PLD1: variants seen among roughly 807,000 people sequenced by gnomAD.
The protein encoded by PLD1 is phospholipase D1, also known as choline phosphatase 1.
Under a neutral mutation model 137.1 loss-of-function variants are expected in PLD1, and 112 were observed. The ratio of observed to expected loss-of-function variants is 0.82; its 90% CI spans 0.70 to 0.96. The LOEUF is 0.96. PLD1 is among the 40% of genes least tolerant of loss of function. The probability of loss-of-function intolerance (pLI) is 0.00; values close to 1 mark genes in which losing one functional copy is unlikely to be tolerated. For missense variants in PLD1, 1,321 were observed against 1,342.0 expected, an observed-to-expected ratio of 0.98 and a Z score of 0.24; for synonymous variants, 431 against 454.7, an observed-to-expected ratio of 0.95 and a Z score of 0.66.
At chr3:171,774,889 G>T (rs558279777) in intron 1 of PLD1, among the ~76,000 whole-genome samples, 1 of 152,258 alleles carries the variant, frequency 6.6e-6, no homozygotes, top group African/African-American at 2.4e-5. Flanking sequence ...GCTGTTCAGG[G>T]AGGATATCCA....
chr3:171,751,270 C>G (rs1379571831), intron 1 of PLD1, among the ~76,000 whole-genome samples: 1 of 152,024 alleles, frequency 6.6e-6, no homozygotes, highest in African/African-American at 2.4e-5. Flanking sequence ...GTTCTTAAGA[C>G]CTTAGAGTCA....
intron 18 of PLD1, among the ~76,000 whole-genome samples, chr3:171,674,956 G>A (rs1441565214): frequency 7.8e-6 from 1 of 128,548 alleles, no homozygotes; most frequent in African/African-American, 3.0e-5. Flanking sequence ...TACAGCCTGG[G>A]TGACAAGAGT....
Position 171,627,121 on chromosome 3 carries a change from G to A in PLD1, c.2594-6601C>T, listed in dbSNP as rs377232346. ...GCTGTATTCAGGAAACCCATCTCAC[G>A]TGCAGAGACACACATAGGCTCAAAA... is the stretch of plus-strand genomic sequence containing the variant. On this transcript the variant is annotated intron_variant, in intron 23 of 26. Transcript: ENST00000351298. 5.3e-5 allele frequency among the ~76,000 whole-genome samples: 8 copies of A among 152,208 alleles called. No homozygotes were observed. In the South Asian group the frequency reaches 1.0e-3, roughly 20 times the overall value.
chr3:171,652,094 G>A (rs1430242944), intron 21 of PLD1, among the ~76,000 whole-genome samples: 1 of 152,114 alleles, frequency 6.6e-6, no homozygotes, highest in African/African-American at 2.4e-5. Flanking sequence ...GAAAAAATGT[G>A]AAACCAATGA....
chr3:171,722,934 T>G (rs945671074), intron 8 of PLD1, among the ~76,000 whole-genome samples: 1 of 152,164 alleles, frequency 6.6e-6, no homozygotes, highest in African/African-American at 2.4e-5. Flanking sequence ...TACAAGCATA[T>G]AATGTGTAAT....
At position 171,686,688 on chromosome 3, in the gene PLD1, C is replaced by T. The variant is rs2290480; in HGVS notation, c.1864G>A (p.Ala622Thr). Reference protein sequence around the residue: ...ESEQGLTRPHADTGSIRSLQT... With the variant: ...ESEQGLTRPHTDTGSIRSLQT... ...TGCCACTTCACAAATTACTTACCAG[C>T]ATGAGGTCTAGTGAGTCCTTGCTCA... Residue 622 changes from alanine to threonine, a missense_variant, in exon 16 of 27, where the codon GCT becomes ACT. Coordinates refer to ENST00000351298, the MANE Select transcript of PLD1 (RefSeq NM_002662.5). The T allele has an allele frequency of 1.3e-6, 2 of 1,515,230 alleles. No individual in the cohort carries two copies. Among genetic ancestry groups the T allele is most frequent in the Non-Finnish European group, 1.8e-6 (2 of 1,099,026 alleles). 93.9% of individuals were successfully genotyped at this position (1,515,230 alleles called of 1,614,324 possible).
At chr3:171,713,380 G>A (rs1471606446) in intron 9 of PLD1, among the ~76,000 whole-genome samples, 2 of 152,188 alleles carry the variant, frequency 1.3e-5, no homozygotes, top group African/African-American at 4.8e-5. Context: ...AGAATCGCTT[G>A]AACCTGAAAG....
chr3:171,676,875 T>C (rs1302146848), intron 17 of PLD1, 42 bp from the exon 18 acceptor site: 2 of 1,392,168 alleles, frequency 1.4e-6, no homozygotes, highest in South Asian at 2.4e-5. Flanking sequence ...TTAACTTCAG[T>C]GTTGGGGCAA....
At chr3:171,790,601 G>A (rs1002126099) in intron 1 of PLD1, among the ~76,000 whole-genome samples, 1 of 152,190 alleles carries the variant, frequency 6.6e-6, no homozygotes, top group Non-Finnish European at 1.5e-5. Flanking sequence ...ACTAAGCTCT[G>A]GCCAATGAGA....
chr3:171,783,935 CT>C (rs1455659305), intron 1 of PLD1, among the ~76,000 whole-genome samples: 6 of 152,228 alleles, frequency 3.9e-5, no homozygotes, highest in Admixed American at 6.5e-5. Context: ...GTGTGAGCCA[CT>C]GCGCCCAGCC....
chr3:171,762,401 T>TGTA (rs1283864632), intron 1 of PLD1, among the ~76,000 whole-genome samples: 2 of 152,230 alleles, frequency 1.3e-5, no homozygotes, highest in African/African-American at 2.4e-5. Context: ...CCTCTTCCAC[T>TGTA]GTATTGAGAA....
At chr3:171,614,965 A>C (rs1287343644) in intron 24 of PLD1, among the ~76,000 whole-genome samples, 1 of 152,250 alleles carries the variant, frequency 6.6e-6, no homozygotes, top group Non-Finnish European at 1.5e-5. Context: ...TTAAGGGCCA[A>C]CATGGAATTA....
chr3:171,712,875 C>T (rs1717380733), intron 9 of PLD1, among the ~76,000 whole-genome samples: 1 of 152,126 alleles, frequency 6.6e-6, no homozygotes, highest in South Asian at 2.1e-4. Flanking sequence ...TTAAATGTTC[C>T]ATTCTCATAG....
rs367812917 is a variant in PLD1 at position 171,708,747 on chromosome 3, A to C, written c.1145+8T>G. ...TCCAGAAAAAAATTCCCAGGGACAA[A>C]TACTAACCACCAGTCTGTGATAAAA... On this transcript the variant is annotated splice_region_variant and intron_variant, in intron 11 of 26. Transcript: ENST00000351298. 6.6e-7 allele frequency: 1 copy of C among 1,518,764 alleles called. No individual in the cohort carries two copies. The highest frequency in any genetic ancestry group is 9.1e-7 in the Non-Finnish European group (1 of 1,093,050). The allele number at this position is 1,518,764 out of a possible 1,614,324, so 94.1% of individuals were successfully genotyped here. A position where few individuals can be genotyped will look rare whatever the true frequency, so the allele number is the denominator to read the frequency against.
chr3:171,634,592 C>T (rs1343163697), intron 23 of PLD1, among the ~76,000 whole-genome samples: 1 of 152,046 alleles, frequency 6.6e-6, no homozygotes, highest in Non-Finnish European at 1.5e-5. Flanking sequence ...AAGTTGCTTA[C>T]AAAAGTTTTG....
chr3:171,701,786 A>G (rs1716257650), intron 11 of PLD1, among the ~76,000 whole-genome samples: 1 of 152,208 alleles, frequency 6.6e-6, no homozygotes, highest in Admixed American at 6.5e-5. Flanking sequence ...ATTACATTTC[A>G]TTGGATCTAG....
At chr3:171,632,342 A>C (rs1734738188) in intron 23 of PLD1, among the ~76,000 whole-genome samples, 1 of 152,194 alleles carries the variant, frequency 6.6e-6, no homozygotes, top group Non-Finnish European at 1.5e-5. Flanking sequence ...GTCACAAATT[A>C]TTGTGAGCTG....
chr3:171,732,027 G>A (rs1436842321), intron 6 of PLD1, among the ~76,000 whole-genome samples: 1 of 152,112 alleles, frequency 6.6e-6, no homozygotes, highest in African/African-American at 2.4e-5. Flanking sequence ...CACCAAGAAT[G>A]GTTACAGCCA....
chr3:171,739,607 G>A (rs923920106), intron 1 of PLD1, among the ~76,000 whole-genome samples: 8 of 152,012 alleles, frequency 5.3e-5, no homozygotes, highest in African/African-American at 1.7e-4. Context: ...AATGCACCTC[G>A]CTGGTGATAA....
Sources: gnomAD v4.1 joint callset for allele counts (sites outside exome capture counted in the v4.1 genomes callset) on GRCh38, gnomAD v4.1.1 for gene constraint, MANE v1.5 for transcripts, NCBI Gene and HGNC (gene_info 2026-07-23, HGNC 2026-07-21) for gene names.